TOMM20: variants seen among roughly 807,000 people sequenced by gnomAD.
The protein encoded by TOMM20 is mitochondrial import receptor subunit TOM20 homolog.
In TOMM20, 10 loss-of-function variants were observed where a neutral mutation model predicts 22.1. The ratio of observed to expected loss-of-function variants is 0.45; its 90% confidence interval spans 0.28 to 0.77. TOMM20 has a LOEUF of 0.77. TOMM20 is among the 30% of genes least tolerant of loss of function. The pLI is 0.13. For synonymous variants in TOMM20, 55 were observed against 61.4 expected (o/e 0.90, Z 0.49); for missense variants, 121 against 172.2 (o/e 0.70, Z 1.66).
chr1:235,117,096 C>T (rs553332028), intron 3 of TOMM20, among the ~76,000 whole-genome samples: 2 of 134,108 alleles, frequency 1.5e-5, no homozygotes, highest in East Asian at 4.6e-4. Context: ...GATCGCGCCA[C>T]TGCACTCCAG....
At chr1:235,124,948 C>A (rs1408228194) in intron 1 of TOMM20, among the ~76,000 whole-genome samples, 1 of 152,112 alleles carries the variant, frequency 6.6e-6, no homozygotes, top group Non-Finnish European at 1.5e-5. Flanking sequence ...TCAATGTTTC[C>A]AAGATTTATT....
chr1:235,112,114 A>T lies in TOMM20; in HGVS notation c.394-6T>A. 6.3e-7 allele frequency: 1 copy of T among 1,599,028 alleles called. No individual in the cohort carries two copies. The highest frequency in any genetic ancestry group is 8.5e-7 in the Non-Finnish European group (1 of 1,173,636). ...CTCTGAGCACTTACAATTCTCTGAAAGAAAAAAAAAATAATTTTTTAAAGT... is the reference window on the plus strand; with the variant it reads ...CTCTGAGCACTTACAATTCTCTGAATGAAAAAAAAAATAATTTTTTAAAGT... On this transcript the variant is annotated splice_polypyrimidine_tract_variant and splice_region_variant and intron_variant, in intron 4 of 4. Coordinates refer to ENST00000366607, the MANE Select transcript of TOMM20 (RefSeq NM_014765.3).
chr1:235,123,084 A>G (rs1660954040), intron 1 of TOMM20, among the ~76,000 whole-genome samples: 1 of 152,220 alleles, frequency 6.6e-6, no homozygotes, highest in Non-Finnish European at 1.5e-5. Flanking sequence ...CTCTCCCAAG[A>G]TAAGGTCTAA....
chr1:235,117,018 C>G (rs934970396), intron 3 of TOMM20, among the ~76,000 whole-genome samples: 2 of 150,636 alleles, frequency 1.3e-5, no homozygotes, highest in Admixed American at 6.6e-5. Flanking sequence ...GCCTGTAGTC[C>G]CAGCTACTCG....
At chr1:235,127,689 T>C (rs1274999292) in intron 1 of TOMM20, 1 of 368,896 alleles carries the variant, frequency 2.7e-6, no homozygotes, top group Non-Finnish European at 5.4e-6. Context: ...CAAAAAATAT[T>C]TCTTATTGCA....
rs967697951 is a variant in TOMM20, at chr1:235,110,955, G to C, written c.*1109C>G. On this transcript the variant is annotated 3_prime_UTR_variant, in exon 5 of 5. Coordinates refer to ENST00000366607, the MANE Select transcript of TOMM20 (RefSeq NM_014765.3). The stretch of plus-strand genomic sequence containing the variant: ...TTTTCAAGTTTTCAGTCACAAGGTT[G>C]CAACTTACTCTCATCGTTTCACAAG... 2.0e-5 allele frequency: 3 copies of C among 152,190 alleles called. No homozygotes were observed. The highest frequency in any genetic ancestry group is 7.2e-5 in the African/African-American group (3 of 41,438). The allele number at this position is 152,190 out of a possible 1,614,324, so 9.4% of individuals were successfully genotyped here. A position where few individuals can be genotyped will look rare whatever the true frequency, so the allele number is the denominator to read the frequency against.
chr1:235,128,749 C>T lies in TOMM20; in HGVS notation c.-34G>A, dbSNP rs767044930. 11 of 1,612,508 alleles carry T rather than the reference C, an allele frequency of 6.8e-6. No homozygotes were observed. In the South Asian group the frequency reaches 8.8e-5, roughly 13 times the overall value. On this transcript the variant is annotated 5_prime_UTR_variant, in exon 1 of 5. Transcript: ENST00000366607. ...CAACGCTGAGCGTGGACGGTGGCGG[C>T]AGGGACCGCGAAGGAGCGGTGGGCC...
At chr1:235,123,902 G>C (rs1269022128) in intron 1 of TOMM20, among the ~76,000 whole-genome samples, 1 of 152,224 alleles carries the variant, frequency 6.6e-6, no homozygotes, top group African/African-American at 2.4e-5. Flanking sequence ...GTACTGGAGG[G>C]AGCGTAGCAA....
chr1:235,127,260 A>G (rs1358875008), intron 1 of TOMM20, among the ~76,000 whole-genome samples: 2 of 152,086 alleles, frequency 1.3e-5, no homozygotes, highest in Non-Finnish European at 2.9e-5. Context: ...AAACATCTCA[A>G]CCTTCACAAG....
chr1:235,114,057 AT>A, intron 3 of TOMM20, 147 bp from the exon 4 acceptor site: 14 of 782,688 alleles, frequency 1.8e-5, no homozygotes, highest in Non-Finnish European at 2.7e-5. Context: ...TCATATAACT[AT>A]TATGAAGCTA....
At position 235,124,694 on chromosome 1, in the gene TOMM20, G is replaced by A. The variant is rs1660982874; in HGVS notation, c.122-2322C>T. Among the ~76,000 whole-genome samples, 3 of 152,270 alleles carry A rather than the reference G, an allele frequency of 2.0e-5. No homozygotes were observed. The South Asian group carries it at 6.2e-4, about 32-fold the overall frequency. On this transcript the variant is annotated intron_variant, in intron 1 of 4. Coordinates refer to ENST00000366607, the MANE Select transcript of TOMM20 (RefSeq NM_014765.3). ...TAAGTTTTTTTAATAAGGTGGGGAGGAGTGTGTGATTGCCACTGAATACAT... is the reference window on the plus strand; with the variant it reads ...TAAGTTTTTTTAATAAGGTGGGGAGAAGTGTGTGATTGCCACTGAATACAT...
In TOMM20 at chr1:235,114,515, C is replaced by T. The variant is rs868661237; in HGVS notation, c.251-605G>A. On this transcript the variant is annotated intron_variant, in intron 3 of 4. Transcript: ENST00000366607. Reference sequence around the variant, plus strand: ...GCAGTGGCACGATCTCGGCTCACTGCAGGCTCTGCTCCCCAGGGTTCACGC... The same window carrying T: ...GCAGTGGCACGATCTCGGCTCACTGTAGGCTCTGCTCCCCAGGGTTCACGC... 3.3e-5 allele frequency among the ~76,000 whole-genome samples: 5 copies of T among 150,234 alleles called. No individual in the cohort carries two copies. In the South Asian group the frequency reaches 6.3e-4, roughly 19 times the overall value.
At position 235,110,959 on chromosome 1, in the gene TOMM20, C is replaced by T. The variant is rs1365524331; in HGVS notation, c.*1105G>A. 6.6e-6 allele frequency: 1 copy of T among 152,174 alleles called. No homozygotes were observed. Among genetic ancestry groups the T allele is most frequent in the Non-Finnish European group, 1.5e-5 (1 of 68,032 alleles). 9.4% of individuals were successfully genotyped at this position (152,174 alleles called of 1,614,324 possible). A position where few individuals can be genotyped will look rare whatever the true frequency, so the allele number is the denominator to read the frequency against. On this transcript the variant is annotated 3_prime_UTR_variant, in exon 5 of 5. Transcript: ENST00000366607. ...CAAGTTTTCAGTCACAAGGTTGCAACTTACTCTCATCGTTTCACAAGATAA... is the reference window on the plus strand; with the variant it reads ...CAAGTTTTCAGTCACAAGGTTGCAATTTACTCTCATCGTTTCACAAGATAA...
At chr1:235,118,234 C>G (rs147122301) in intron 3 of TOMM20, among the ~76,000 whole-genome samples, 1 of 152,202 alleles carries the variant, frequency 6.6e-6, no homozygotes, top group Non-Finnish European at 1.5e-5. Context: ...CTTTTGCTGA[C>G]TGGATAGCCA....
intron 1 of TOMM20, chr1:235,127,950 C>A (rs1225922407): frequency 1.9e-6 from 1 of 516,288 alleles, no homozygotes; most frequent in Non-Finnish European, 3.9e-6. Context: ...ATGAGCCAGG[C>A]GGATCATCTG....
intron 2 of TOMM20, among the ~76,000 whole-genome samples, chr1:235,121,787 T>C (rs1003849284): frequency 6.6e-6 from 1 of 152,184 alleles, no homozygotes; most frequent in Non-Finnish European, 1.5e-5. Context: ...ACCTACATAG[T>C]CATTAAAAAT....
intron 3 of TOMM20, among the ~76,000 whole-genome samples, chr1:235,116,861 C>T (rs924717948): frequency 6.6e-6 from 1 of 152,020 alleles, no homozygotes; most frequent in African/African-American, 2.4e-5. Context: ...TGGGGCTGGG[C>T]ACGCTGGCTC....
intron 3 of TOMM20, among the ~76,000 whole-genome samples, chr1:235,116,723 A>C (rs1031924014): frequency 1.2e-4 from 18 of 152,018 alleles, no homozygotes; most frequent in South Asian, 2.1e-4. Flanking sequence ...AAACAAAACA[A>C]AACAAAACAC....
chr1:235,117,132 CTCAAAAAAAAAAAAAAAAAA>C (rs1660847663), intron 3 of TOMM20, among the ~76,000 whole-genome samples: 1 of 51,402 alleles, frequency 1.9e-5, no homozygotes, highest in African/African-American at 9.4e-5. Flanking sequence ...GAGACTCCAT[CTCAAAAAAAAAAAAAAAAAA>C]AAAAAAAAAA....
Sources: allele counts gnomAD v4.1 joint callset (sites outside exome capture counted in the v4.1 genomes callset), GRCh38; gene constraint gnomAD v4.1.1; transcripts MANE v1.5; gene names NCBI Gene and HGNC (gene_info 2026-07-23, HGNC 2026-07-21).